SLIT1: variants seen among roughly 807,000 people sequenced by gnomAD.
SLIT1 encodes the protein slit homolog 1 protein.
SLIT1 carries 66 observed loss-of-function variants against 186.1 expected under a neutral mutation model. The observed-to-expected ratio is 0.35, with a 90% CI of 0.29 to 0.44. The LOEUF is 0.44. SLIT1 is among the 20% of genes least tolerant of loss of function. The probability of loss-of-function intolerance (pLI) is 1.00; values close to 1 mark genes in which losing one functional copy is unlikely to be tolerated. For synonymous variants in SLIT1, 761 were observed against 833.8 expected (o/e 0.91, Z 1.50); for missense variants, 1,638 against 2,037.4 (o/e 0.80, Z 3.77).
At chr10:97,003,034 G>A (rs368632811) in intron 34 of SLIT1, 42 bp from the exon 35 acceptor site, 47 of 1,569,358 alleles carry the variant, frequency 3.0e-5, no homozygotes, top group East Asian at 4.5e-5. Flanking sequence ...AGTAAAGCTC[G>A]GGCTATGCCG....
rs1334973500 is a variant in SLIT1, at chr10:97,056,592, G to A, written c.1158-128C>T. 3.0e-6 allele frequency: 3 copies of A among 990,478 alleles called. No individual in the cohort carries two copies. The Admixed American group carries it at 7.1e-5, about 24-fold the overall frequency. 61.4% of individuals were successfully genotyped at this position (990,478 alleles called of 1,614,324 possible). On this transcript the variant is annotated intron_variant, in intron 12 of 36. Transcript: ENST00000266058. ...GAGGAGCCCATCGGAGCAGGCCCAG[G>A]GAATCTGCCCTCTGGATGTCTGCCC...
intron 24 of SLIT1, among the ~76,000 whole-genome samples, chr10:97,031,114 A>G (rs1419713186): frequency 1.3e-5 from 2 of 152,124 alleles, no homozygotes; most frequent in African/African-American, 4.8e-5. Flanking sequence ...GGAGGACCCT[A>G]AGGGGGGAGG....
chr10:97,063,791 G>A (rs532298891), intron 7 of SLIT1, among the ~76,000 whole-genome samples, 173 bp from the exon 8 acceptor site: 6 of 152,206 alleles, frequency 3.9e-5, no homozygotes, highest in Admixed American at 3.3e-4. Context: ...CCACAGCCCC[G>A]TGAAGATCCC....
intron 4 of SLIT1, among the ~76,000 whole-genome samples, chr10:97,129,573 C>T (rs923694093): frequency 8.5e-5 from 13 of 152,068 alleles, no homozygotes; most frequent in African/African-American, 2.7e-4. Flanking sequence ...GATGAGGAAT[C>T]GAAACTGCAG....
chr10:97,029,607 G>A lies in SLIT1; in HGVS notation c.2582+1150C>T, dbSNP rs1219078683. Among the ~76,000 whole-genome samples, 15 of 152,292 alleles carry A rather than the reference G, an allele frequency of 9.8e-5. 1 individual carries two copies. The South Asian group carries it at 1.7e-3, about 17-fold the overall frequency. On this transcript the variant is annotated intron_variant, in intron 25 of 36. Transcript: ENST00000266058. ...TCACAGTCCAGTGCTTTTTGATTTC[G>A]TCTGTTTTTTATATGGCAAAATATA... is the stretch of plus-strand genomic sequence containing the variant.
chr10:97,114,801 G>A (rs1168796615), intron 4 of SLIT1, among the ~76,000 whole-genome samples: 7 of 152,116 alleles, frequency 4.6e-5, no homozygotes, highest in African/African-American at 7.2e-5. Flanking sequence ...AAATCCAAGC[G>A]CTCACTAGCT....
chr10:97,105,144 G>C (rs966728236), intron 4 of SLIT1, among the ~76,000 whole-genome samples: 1 of 152,146 alleles, frequency 6.6e-6, no homozygotes, highest in Admixed American at 6.5e-5. Context: ...TAGGGACCAG[G>C]ATAATTATAA....
At position 97,006,188 on chromosome 10, in the gene SLIT1, G is replaced by A. The variant is rs1216720627; in HGVS notation, c.3579+295C>T. Among the ~76,000 whole-genome samples, 2 of 152,172 alleles carry A rather than the reference G, an allele frequency of 1.3e-5. No individual in the cohort carries two copies. The highest frequency in any genetic ancestry group is 2.4e-5 in the African/African-American group (1 of 41,428). On this transcript the variant is annotated intron_variant, in intron 32 of 36. Transcript: ENST00000266058. This position sits in a 1 kb window ranked among gnomAD's most constrained non-coding sequence, Gnocchi z 4.0. ...CTGCAGCACTGGAGGCAGACACTGAGGAGTAGCTGGGACAAGAAATGGTGG... is the reference window on the plus strand; with the variant it reads ...CTGCAGCACTGGAGGCAGACACTGAAGAGTAGCTGGGACAAGAAATGGTGG...
intron 4 of SLIT1, among the ~76,000 whole-genome samples, chr10:97,071,137 T>C (rs1226031005): frequency 2.0e-5 from 3 of 152,164 alleles, no homozygotes; most frequent in Non-Finnish European, 2.9e-5. Context: ...GTTGCTTCTT[T>C]AGAGGATTTG....
intron 4 of SLIT1, among the ~76,000 whole-genome samples, chr10:97,073,652 C>T (rs946873522): frequency 6.6e-6 from 1 of 152,110 alleles, no homozygotes; most frequent in Non-Finnish European, 1.5e-5. Context: ...CTGGGGGATG[C>T]GGGGATGCTG....
chr10:97,049,143 A>T, intron 13 of SLIT1, 25 bp from the exon 14 acceptor site: 1 of 1,606,552 alleles, frequency 6.2e-7, no homozygotes, highest in Non-Finnish European at 8.5e-7. Context: ...CAGATCAGCT[A>T]TGAGAAACAA....
At chr10:97,119,830 T>A (rs911729795) in intron 4 of SLIT1, among the ~76,000 whole-genome samples, 3 of 149,896 alleles carry the variant, frequency 2.0e-5, no homozygotes, top group African/African-American at 7.4e-5. Context: ...GTTGGCAGAT[T>A]GGCCCATCTT....
chr10:97,096,005 CGGATCTCACCT>C (rs1014946777), intron 4 of SLIT1, among the ~76,000 whole-genome samples: 3 of 152,128 alleles, frequency 2.0e-5, no homozygotes, highest in Non-Finnish European at 4.4e-5. Context: ...AGGTCCCTCC[CGGATCTCACCT>C]GGGGCTGTGC....
chr10:97,038,712 C>A (rs919031339), intron 21 of SLIT1, among the ~76,000 whole-genome samples: 2 of 152,158 alleles, frequency 1.3e-5, no homozygotes, highest in African/African-American at 4.8e-5. Context: ...AGCTCTCCCC[C>A]ACTTCCCAAA....
intron 1 of SLIT1, among the ~76,000 whole-genome samples, chr10:97,179,611 G>T (rs752005996): frequency 6.6e-6 from 1 of 152,156 alleles, no homozygotes; most frequent in Non-Finnish European, 1.5e-5. Flanking sequence ...TGTGCTCCTC[G>T]TCTCTATGGA....
intron 4 of SLIT1, among the ~76,000 whole-genome samples, chr10:97,092,870 T>C (rs1283691734): frequency 6.6e-6 from 1 of 152,236 alleles, no homozygotes; most frequent in East Asian, 1.9e-4. Flanking sequence ...TGCTAAGTGA[T>C]CTGCATGCCT....
intron 28 of SLIT1, among the ~76,000 whole-genome samples, chr10:97,017,704 A>C (rs1221691223): frequency 1.3e-5 from 2 of 152,114 alleles, no homozygotes; most frequent in Non-Finnish European, 2.9e-5. Flanking sequence ...GGCCTCACCC[A>C]CCCAGTGGCA....
chr10:97,157,170 T>C (rs1006620757), intron 4 of SLIT1, among the ~76,000 whole-genome samples: 4 of 152,166 alleles, frequency 2.6e-5, no homozygotes, highest in Non-Finnish European at 5.9e-5. Context: ...GACCATATGC[T>C]AAGGAGCTGC....
At chr10:97,157,955 A>G in intron 3 of SLIT1, 66 bp from the exon 4 acceptor site, 1 of 1,184,256 alleles carries the variant, frequency 8.4e-7, no homozygotes, top group Non-Finnish European at 1.3e-6. Flanking sequence ...CTTCTCAGAA[A>G]GCACAAGATG....
Sources: gnomAD v4.1 joint callset for allele counts (sites outside exome capture counted in the v4.1 genomes callset) on GRCh38, gnomAD v4.1.1 for gene constraint, Gnocchi (gnomAD v3.1) non-coding constraint, MANE v1.5 for transcripts, NCBI Gene and HGNC (gene_info 2026-07-23, HGNC 2026-07-21) for gene names.